Variants in TNXB observed in about 807,000 individuals in gnomAD.
TNXB encodes the protein tenascin XB.
A neutral mutation model predicts 340.5 loss-of-function variants in TNXB; 183 were observed. The observed-to-expected ratio is 0.54, with a 90% confidence interval of 0.48 to 0.61. The LOEUF (loss-of-function observed/expected upper bound fraction) is 0.61. Ranked by LOEUF, TNXB falls within the 20% of genes least tolerant of loss-of-function variation. The probability of loss-of-function intolerance (pLI) is 0.00; values close to 1 mark genes in which losing one functional copy is unlikely to be tolerated. For missense variants in TNXB, 4,613 were observed against 5,446.4 expected, an observed-to-expected ratio of 0.85 and a Z score of 4.82; for synonymous variants, 2,121 against 2,314.5, an observed-to-expected ratio of 0.92 and a Z score of 2.40.
intron 25 of TNXB, 132 bp downstream of exon 25, chr6:32,053,256 G>T: frequency 7.1e-7 from 1 of 1,398,774 alleles, no homozygotes; most frequent in African/African-American, 1.4e-5. Context: ...AGTCCTCAGG[G>T]AAGTGGGGAA....
rs1184170862 is a variant in TNXB at position 32,067,312 on chromosome 6, A to C, written c.6544+349T>G. 6.6e-6 allele frequency among the ~76,000 whole-genome samples: 1 copy of C among 152,198 alleles called. No individual in the cohort carries two copies. Among genetic ancestry groups the C allele is most frequent in the Admixed American group, 6.5e-5 (1 of 15,276 alleles). The stretch of plus-strand genomic sequence containing the variant: ...CTATTCTTTCTGTTTATACATTTGA[A>C]ATTTTATTTAACAAATACTTATTAA... On this transcript the variant is annotated intron_variant, in intron 18 of 43. Coordinates refer to ENST00000644971, the MANE Select transcript of TNXB (RefSeq NM_001365276.2). The surrounding 1 kb of genome is among the most constrained non-coding windows in gnomAD (Gnocchi z 4.2).
Position 32,069,922 on chromosome 6 carries a change from A to T in TNXB, c.5279-61T>A. 6.7e-7 allele frequency: 1 copy of T among 1,493,816 alleles called. No homozygotes were observed. The highest frequency in any genetic ancestry group is 9.0e-7 in the Non-Finnish European group (1 of 1,113,052). The allele number at this position is 1,493,816 out of a possible 1,614,324, so 92.5% of individuals were successfully genotyped here. A position where few individuals can be genotyped will look rare whatever the true frequency, so the allele number is the denominator to read the frequency against. ...GTTTCTGGAAGACTGGGTGACCTCG[A>T]CGGGCAGGATTGAGAGGTCTGGAGA... On this transcript the variant is annotated intron_variant, in intron 14 of 43. Transcript: ENST00000644971. The surrounding 1 kb of genome is among the most constrained non-coding windows in gnomAD (Gnocchi z 6.2).
In TNXB at chr6:32,084,728, A is replaced by G. The variant is rs765247785; in HGVS notation, c.3149-19T>C. On this transcript the variant is annotated intron_variant, in intron 7 of 43. Coordinates refer to ENST00000644971, the MANE Select transcript of TNXB (RefSeq NM_001365276.2). This position sits in a 1 kb window ranked among gnomAD's most constrained non-coding sequence, Gnocchi z 5.5. ...TCCTTGTCTGGAGTTTGAGAGGCAAAAGCAAAGCATAGTGGACTCAACCGT... is the reference window on the plus strand; with the variant it reads ...TCCTTGTCTGGAGTTTGAGAGGCAAGAGCAAAGCATAGTGGACTCAACCGT... The G allele has an allele frequency of 6.5e-7, 1 of 1,538,592 alleles. No individual in the cohort carries two copies. The highest frequency in any genetic ancestry group is 1.9e-5 in the Admixed American group (1 of 52,584).
Position 32,061,272 on chromosome 6 carries a change from G to T in TNXB, c.7492+125C>A. 1.4e-6 allele frequency: 2 copies of T among 1,409,610 alleles called. No individual in the cohort carries two copies. The highest frequency in any genetic ancestry group is 1.9e-6 in the Non-Finnish European group (2 of 1,045,990). 87.3% of individuals were successfully genotyped at this position (1,409,610 alleles called of 1,614,324 possible). A position where few individuals can be genotyped will look rare whatever the true frequency, so the allele number is the denominator to read the frequency against. On this transcript the variant is annotated intron_variant, in intron 21 of 43. Transcript: ENST00000644971. The surrounding 1 kb of genome is among the most constrained non-coding windows in gnomAD (Gnocchi z 4.4). Reference sequence around the variant, plus strand: ...CGCTAGCATAGGCCACAGCCACAGGGCACAGAGGGAGGGCAGGACACAGGA... The same window carrying T: ...CGCTAGCATAGGCCACAGCCACAGGTCACAGAGGGAGGGCAGGACACAGGA...
rs1245681982 is a variant in TNXB at position 32,068,100 on chromosome 6, G to A, written c.6221-116C>T. 7.1e-7 allele frequency: 1 copy of A among 1,409,506 alleles called. No individual in the cohort carries two copies. The highest frequency in any genetic ancestry group is 1.4e-5 in the African/African-American group (1 of 69,806). The allele number at this position is 1,409,506 out of a possible 1,614,324, so 87.3% of individuals were successfully genotyped here. A position where few individuals can be genotyped will look rare whatever the true frequency, so the allele number is the denominator to read the frequency against. On this transcript the variant is annotated intron_variant, in intron 17 of 43. Coordinates refer to ENST00000644971, the MANE Select transcript of TNXB (RefSeq NM_001365276.2). This position sits in a 1 kb window ranked among gnomAD's most constrained non-coding sequence, Gnocchi z 5.3. ...TCAGTTCAGAGAGGCCTACTCTTGG[G>A]GCTGGGTGGTCCTGCTCAGCTGACA...
chr6:32,070,278 C>T lies in TNXB; in HGVS notation c.5127G>A (p.Lys1709=), dbSNP rs1288352723. The change falls in exon 14 of 44, where the codon AAG becomes AAA. Residue 1709 remains lysine (K), a synonymous_variant. Transcript: ENST00000644971. The surrounding 1 kb of genome is among the most constrained non-coding windows in gnomAD (Gnocchi z 6.0). ...GQFDSFVVQF[K]DKDGPQVVPV... ...GCACCACCTGGGGCCCGTCTTTGTCCTTGAACTGGACCACAAAAGAGTCGA... is the reference window on the plus strand; with the variant it reads ...GCACCACCTGGGGCCCGTCTTTGTCTTTGAACTGGACCACAAAAGAGTCGA... 6.2e-7 allele frequency: 1 copy of T among 1,612,562 alleles called. No individual in the cohort carries two copies.
rs1554321219 is a variant in TNXB at position 32,067,132 on chromosome 6, G to GAAGAAAGAAGAAAGA, written c.6544+528_6544+529insTCTTTCTTCTTTCTT. On this transcript the variant is annotated intron_variant, in intron 18 of 43. Coordinates refer to ENST00000644971, the MANE Select transcript of TNXB (RefSeq NM_001365276.2). The surrounding 1 kb of genome is among the most constrained non-coding windows in gnomAD (Gnocchi z 4.2). ...AAGAAAGAGAAAGAAAGAAAGGAAG[G>GAAGAAAGAAGAAAGA]AAGAAAGAAAGAAAGAAAGAAAGAA... Among the ~76,000 whole-genome samples, 1 of 117,996 alleles carries GAAGAAAGAAGAAAGA rather than the reference G, an allele frequency of 8.5e-6. No homozygotes were observed. The highest frequency in any genetic ancestry group is 1.7e-5 in the Non-Finnish European group (1 of 57,314). The allele number at this position is 117,996 out of a possible 152,430, so 77.4% of individuals were successfully genotyped here.
Position 32,046,130 on chromosome 6 carries a change from A to G in TNXB, c.10606+45T>C. The G allele has an allele frequency of 6.4e-7, 1 of 1,555,148 alleles. No individual in the cohort carries two copies. Among genetic ancestry groups the G allele is most frequent in the East Asian group, 2.3e-5 (1 of 44,000 alleles). On this transcript the variant is annotated intron_variant, in intron 31 of 43. Coordinates refer to ENST00000644971, the MANE Select transcript of TNXB (RefSeq NM_001365276.2). This position sits in a 1 kb window ranked among gnomAD's most constrained non-coding sequence, Gnocchi z 6.9. ...TGTCTTCAGCCCAAATGCACAAGGAAACCCACACAAGCTGGCTTGCTATAG... is the reference window on the plus strand; with the variant it reads ...TGTCTTCAGCCCAAATGCACAAGGAGACCCACACAAGCTGGCTTGCTATAG...
Position 32,095,682 on chromosome 6 carries a change from C to G in TNXB, c.2171G>C (p.Arg724Pro). 6.2e-7 allele frequency: 1 copy of G among 1,614,052 alleles called. No homozygotes were observed. ...CAIQTCPGDC[R>P]GRGECHDGSC... is the part of the protein sequence containing the mutation. ...GCCATCGTGACACTCTCCTCGGCCA[C>G]GGCAGTCCCCTGGGCATGTCTGGAT... Residue 724 changes from arginine (R) to proline (P), a missense_variant, in exon 3 of 44, where the codon CGT (arginine) becomes CCT (proline). Coordinates refer to ENST00000644971, the MANE Select transcript of TNXB (RefSeq NM_001365276.2).
chr6:32,056,762 T>C lies in TNXB; in HGVS notation c.7967A>G (p.Asp2656Gly). ...ATTCCTGTACTGGACCAGGAAGTGG[T>C]CAAACTGGCCCTCGGGAACCGTCCA... ...LSWTVPEGQF[D>G]HFLVQYRNGD... is the part of the protein sequence containing the mutation. Residue 2656 changes from aspartate to glycine, a missense_variant, in exon 23 of 44, where the codon GAC (aspartate) becomes GGC (glycine). Physicochemically the swap from Asp to Gly is moderately conservative, Grantham distance 94. Coordinates refer to ENST00000644971, the MANE Select transcript of TNXB (RefSeq NM_001365276.2). The C allele has an allele frequency of 3.7e-6, 6 of 1,613,272 alleles. No individual in the cohort carries two copies. The highest frequency in any genetic ancestry group is 5.1e-6 in the Non-Finnish European group (6 of 1,179,840).
Position 32,067,954 on chromosome 6 carries a change from T to G in TNXB, c.6251A>C (p.Glu2084Ala). 2 of 1,612,172 alleles carry G rather than the reference T, an allele frequency of 1.2e-6. No individual in the cohort carries two copies. Among genetic ancestry groups the G allele is most frequent in the African/African-American group, 2.7e-5 (2 of 74,964 alleles). Reference sequence around the variant, plus strand: ...GGGCTCCGGGGCCTCCATGCTGGGTTCTGTGGGGCTGGGGGTCTCTTCCTC... The same window carrying G: ...GGGCTCCGGGGCCTCCATGCTGGGTGCTGTGGGGCTGGGGGTCTCTTCCTC... ...AAEEETPSPT[E>A]PSMEAPEPAE... Residue 2084 changes from glutamate (E) to alanine (A), a missense_variant, in exon 18 of 44, where the codon GAA becomes GCA. Glu to Ala is a moderately radical substitution (Grantham distance 107, BLOSUM62 -1). Coordinates refer to ENST00000644971, the MANE Select transcript of TNXB (RefSeq NM_001365276.2). The surrounding 1 kb of genome is among the most constrained non-coding windows in gnomAD (Gnocchi z 4.2).
At chr6:32,100,994 G>A (rs1780690198) in intron 1 of TNXB, among the ~76,000 whole-genome samples, 1 of 139,666 alleles carries the variant, frequency 7.2e-6, no homozygotes. Context: ...GAGGAGAATC[G>A]CTTGAAACTG....
At position 32,085,648 on chromosome 6, in the gene TNXB, C is replaced by T; in HGVS notation, c.3148+102G>A. The stretch of plus-strand genomic sequence containing the variant: ...ATCCAGCCCCAAACATCAGCCCTGC[C>T]CTTCACTGGCCCCTCAATATCCATC... On this transcript the variant is annotated intron_variant, in intron 7 of 43. Coordinates refer to ENST00000644971, the MANE Select transcript of TNXB (RefSeq NM_001365276.2). This position sits in a 1 kb window ranked among gnomAD's most constrained non-coding sequence, Gnocchi z 6.4. The T allele has an allele frequency of 7.5e-7, 1 of 1,341,526 alleles. No homozygotes were observed. Among genetic ancestry groups the T allele is most frequent in the Middle Eastern group, 2.1e-4 (1 of 4,874 alleles). 83.1% of individuals were successfully genotyped at this position (1,341,526 alleles called of 1,614,324 possible).
chr6:32,081,752 C>A lies in TNXB; in HGVS notation c.3737-79G>T. ...TTGGGGTTTCGACGGGATGTCACAC[C>A]TATGGGGGGTGGGGGGTCACTAGTC... On this transcript the variant is annotated intron_variant, in intron 9 of 43. Transcript: ENST00000644971. The surrounding 1 kb of genome is among the most constrained non-coding windows in gnomAD (Gnocchi z 5.1). The A allele has an allele frequency of 1.1e-6, 1 of 936,878 alleles. No homozygotes were observed. Among genetic ancestry groups the A allele is most frequent in the Non-Finnish European group, 1.6e-6 (1 of 628,492 alleles). 58.0% of individuals were successfully genotyped at this position (936,878 alleles called of 1,614,324 possible).
chr6:32,081,474 A>G lies in TNXB; in HGVS notation c.3936T>C (p.Asn1312=). The G allele has an allele frequency of 1.2e-6, 2 of 1,602,312 alleles. No individual in the cohort carries two copies. Among genetic ancestry groups the G allele is most frequent in the African/African-American group, 2.7e-5 (2 of 74,844 alleles). ...PQAVPVAGDE[N]EVTVPGLDPD... is the part of the protein sequence containing the mutation. ...GATCCAGGCCGGGGACAGTAACCTC[A>G]TTCTCATCCCCCGCAACAGGCACTG... is the stretch of plus-strand genomic sequence containing the variant. The change falls in exon 10 of 44, where the codon AAT becomes AAC. Residue 1312 remains asparagine (N), a synonymous_variant. Transcript: ENST00000644971. The surrounding 1 kb of genome is among the most constrained non-coding windows in gnomAD (Gnocchi z 5.1).
chr6:32,073,596 G>T lies in TNXB; in HGVS notation c.4681+51C>A, dbSNP rs9368704. The T allele has an allele frequency of 3.1e-5, 48 of 1,524,426 alleles. No individual in the cohort carries two copies. Among genetic ancestry groups the T allele is most frequent in the African/African-American group, 2.7e-5 (2 of 73,170 alleles). The allele number at this position is 1,524,426 out of a possible 1,614,324, so 94.4% of individuals were successfully genotyped here. A position where few individuals can be genotyped will look rare whatever the true frequency, so the allele number is the denominator to read the frequency against. ...AGGGCTGGAAGAAGGGCCATGGGGT[G>T]GGGGAGCTCTGGGTAACCAGAGATG... On this transcript the variant is annotated intron_variant, in intron 12 of 43. Coordinates refer to ENST00000644971, the MANE Select transcript of TNXB (RefSeq NM_001365276.2). The surrounding 1 kb of genome is among the most constrained non-coding windows in gnomAD (Gnocchi z 4.6).
chr6:32,048,113 A>C, intron 29 of TNXB, 101 bp from the exon 30 acceptor site: 1 of 1,406,308 alleles, frequency 7.1e-7, no homozygotes, highest in Non-Finnish European at 9.7e-7. Context: ...CAGGAACGGG[A>C]GGGTGACTGG....
intron 28 of TNXB, among the ~76,000 whole-genome samples, chr6:32,048,894 T>A (rs1274847370): frequency 2.6e-5 from 4 of 152,186 alleles, no homozygotes; most frequent in Non-Finnish European, 4.4e-5. Flanking sequence ...AGCACAAGGT[T>A]AGGAAACGCC....
Position 32,096,442 on chromosome 6 carries a change from G to T in TNXB, c.1411C>A (p.Arg471Ser). The T allele has an allele frequency of 6.3e-7, 1 of 1,593,460 alleles. No homozygotes were observed. The highest frequency in any genetic ancestry group is 8.5e-7 in the Non-Finnish European group (1 of 1,177,048). The change falls in exon 3 of 44, where the codon CGT becomes AGT. Residue 471 changes from arginine to serine, a missense_variant. Physicochemically the swap from Arg to Ser is moderately radical, Grantham distance 110. Transcript: ENST00000644971. The part of the protein sequence containing the change: ...CGVRSCPGDC[R>S]GRGRCESGRC... Reference sequence around the variant, plus strand: ...CCACTCTCACAGCGGCCCCGGCCACGACAGTCCCCAGGACAGCTGCGCACA... The same window carrying T: ...CCACTCTCACAGCGGCCCCGGCCACTACAGTCCCCAGGACAGCTGCGCACA...
Sources: allele counts gnomAD v4.1 joint callset (sites outside exome capture counted in the v4.1 genomes callset), GRCh38; gene constraint gnomAD v4.1.1; non-coding constraint Gnocchi (gnomAD v3.1); transcripts MANE v1.5; gene names NCBI Gene and HGNC (gene_info 2026-07-23, HGNC 2026-07-21).